NOS1AP: variants seen among roughly 807,000 people sequenced by gnomAD.
NOS1AP encodes the protein nitric oxide synthase 1 adaptor protein.
In NOS1AP, 21 loss-of-function variants were observed where a neutral mutation model predicts 56.2. That is an observed-to-expected ratio of 0.37 (90% CI 0.26 to 0.54). The LOEUF (loss-of-function observed/expected upper bound fraction) is 0.54. Ranked by LOEUF, NOS1AP falls within the 20% of genes least tolerant of loss-of-function variation. The probability of loss-of-function intolerance (pLI) is 0.84; values close to 1 mark genes in which losing one functional copy is unlikely to be tolerated. For missense variants in NOS1AP, 522 were observed against 657.8 expected, an observed-to-expected ratio of 0.79 and a Z score of 2.26; for synonymous variants, 270 against 274.6, an observed-to-expected ratio of 0.98 and a Z score of 0.17.
In NOS1AP at chr1:162,221,534, G is replaced by GCGCACA. The variant is rs1491138063; in HGVS notation, c.178-65809_178-65808insGCACAC. Among the ~76,000 whole-genome samples, 223 of 73,452 alleles carry GCGCACA rather than the reference G, an allele frequency of 3.0e-3. 1 individual carries two copies. The highest frequency in any genetic ancestry group is 6.3e-3 in the Middle Eastern group (1 of 158). The allele number at this position is 73,452 out of a possible 152,430, so 48.2% of individuals were successfully genotyped here. The stretch of plus-strand genomic sequence containing the variant: ...AACACACACACGCACACACACGCGC[G>GCGCACA]CACACACACACACACACACACACAC... On this transcript the variant is annotated intron_variant, in intron 2 of 9. Transcript: ENST00000361897.
intron 4 of NOS1AP, among the ~76,000 whole-genome samples, chr1:162,306,671 T>G (rs1313068808): frequency 6.6e-6 from 1 of 152,248 alleles, no homozygotes; most frequent in Non-Finnish European, 1.5e-5. Flanking sequence ...GCTTGGTGGC[T>G]CACACCTATA....
chr1:162,233,605 C>T (rs1653196430), intron 2 of NOS1AP, among the ~76,000 whole-genome samples: 1 of 152,166 alleles, frequency 6.6e-6, no homozygotes, highest in African/African-American at 2.4e-5. Context: ...AGCAGTCACT[C>T]CAATTTTCCC....
intron 2 of NOS1AP, among the ~76,000 whole-genome samples, chr1:162,252,047 T>G (rs1245818169): frequency 6.6e-6 from 1 of 151,884 alleles, no homozygotes; most frequent in Non-Finnish European, 1.5e-5. Context: ...TTTTTTCTTT[T>G]TGTTTTTTTT....
At chr1:162,214,743 A>C (rs1652499345) in intron 2 of NOS1AP, among the ~76,000 whole-genome samples, 1 of 152,118 alleles carries the variant, frequency 6.6e-6, no homozygotes, top group Non-Finnish European at 1.5e-5. Flanking sequence ...ACTTCACAGA[A>C]CTACTATTTG....
At chr1:162,213,854 T>C (rs1652454149) in intron 2 of NOS1AP, among the ~76,000 whole-genome samples, 1 of 152,260 alleles carries the variant, frequency 6.6e-6, no homozygotes, top group South Asian at 2.1e-4. Flanking sequence ...TGAAGCTTGG[T>C]AAATAGCCAG....
rs1464601091 is a variant in NOS1AP at position 162,303,600 on chromosome 1, C to A, written c.344+2894C>A. On this transcript the variant is annotated intron_variant, in intron 4 of 9. Coordinates refer to ENST00000361897, the MANE Select transcript of NOS1AP (RefSeq NM_014697.3). ...GGGACTACAGATGTGCACCATCACA[C>A]CCAGCTAATTTTTAAATTTTTTGTA... 2.6e-5 allele frequency among the ~76,000 whole-genome samples: 4 copies of A among 152,056 alleles called. No individual in the cohort carries two copies. In the East Asian group the frequency reaches 7.7e-4, roughly 29 times the overall value.
At chr1:162,364,288 A>G in intron 8 of NOS1AP, 2 of 985,418 alleles carry the variant, frequency 2.0e-6, no homozygotes, top group Non-Finnish European at 1.2e-6. Context: ...GTACAAGAAC[A>G]CCCTTTTCCC....
At position 162,095,629 on chromosome 1, in the gene NOS1AP, C is replaced by T. The variant is rs185547497; in HGVS notation, c.105+25347C>T. Among the ~76,000 whole-genome samples the T allele has an allele frequency of 2.0e-5, 3 of 152,204 alleles. No homozygotes were observed. The East Asian group carries it at 5.8e-4, about 29-fold the overall frequency. ...CCTGTGTATTAAGTTCTGTAGGGAC[C>T]ATATTAGACTGCCAACACGCCTGTA... is the stretch of plus-strand genomic sequence containing the variant. On this transcript the variant is annotated intron_variant, in intron 1 of 9. Transcript: ENST00000361897.
intron 9 of NOS1AP, among the ~76,000 whole-genome samples, chr1:162,366,657 G>A (rs1658096229): frequency 6.6e-6 from 1 of 152,168 alleles, no homozygotes; most frequent in African/African-American, 2.4e-5. Context: ...GGATTTTCCA[G>A]ATTGTTCATT....
intron 2 of NOS1AP, among the ~76,000 whole-genome samples, chr1:162,256,102 C>T (rs1654018723): frequency 6.6e-6 from 1 of 152,042 alleles, no homozygotes; most frequent in African/African-American, 2.4e-5. Context: ...CAAGATCGCG[C>T]CACTGCATTC....
chr1:162,094,994 A>G (rs1469285394), intron 1 of NOS1AP, among the ~76,000 whole-genome samples: 4 of 152,154 alleles, frequency 2.6e-5, no homozygotes, highest in African/African-American at 9.7e-5. Flanking sequence ...ACACTCCACT[A>G]TGGGTTCTGC....
chr1:162,370,104 T>C lies in NOS1AP; in HGVS notation c.*2637T>C, dbSNP rs973506657. ...GCCTACCCCAGGTGCCAGCAGACTC[T>C]CGTGCACAGGAGGCTCCCACAGTTA... On this transcript the variant is annotated 3_prime_UTR_variant, in exon 10 of 10. Transcript: ENST00000361897. 2 of 152,332 alleles carry C rather than the reference T, an allele frequency of 1.3e-5. No individual in the cohort carries two copies. Among genetic ancestry groups the C allele is most frequent in the African/African-American group, 4.8e-5 (2 of 41,472 alleles). The allele number at this position is 152,332 out of a possible 1,614,324, so 9.4% of individuals were successfully genotyped here. A position where few individuals can be genotyped will look rare whatever the true frequency, so the allele number is the denominator to read the frequency against.
intron 4 of NOS1AP, among the ~76,000 whole-genome samples, chr1:162,309,570 A>G (rs985959385): frequency 6.6e-6 from 1 of 152,190 alleles, no homozygotes; most frequent in Non-Finnish European, 1.5e-5. Flanking sequence ...AAGACTTGGA[A>G]ATAAACAAAA....
At chr1:162,207,235 A>G (rs1652190833) in intron 2 of NOS1AP, among the ~76,000 whole-genome samples, 1 of 152,250 alleles carries the variant, frequency 6.6e-6, no homozygotes, top group African/African-American at 2.4e-5. Context: ...GCTTCTGGCC[A>G]GCAGAAATTC....
intron 2 of NOS1AP, among the ~76,000 whole-genome samples, chr1:162,279,372 G>A (rs1287584765): frequency 1.3e-5 from 2 of 152,182 alleles, no homozygotes. Flanking sequence ...TGCACTTGAG[G>A]CTGCCGCTGC....
At chr1:162,360,017 C>T (rs1464964224) in intron 8 of NOS1AP, among the ~76,000 whole-genome samples, 1 of 147,440 alleles carries the variant, frequency 6.8e-6, no homozygotes, top group Admixed American at 6.8e-5. Flanking sequence ...GTCCCCCCCC[C>T]ACCACCCCCA....
At chr1:162,345,362 T>G (rs1454644462) in intron 6 of NOS1AP, among the ~76,000 whole-genome samples, 1 of 139,474 alleles carries the variant, frequency 7.2e-6, no homozygotes, top group South Asian at 2.2e-4. Context: ...TGTGTCCATG[T>G]GATCTCATTG....
At chr1:162,333,202 T>C in intron 5 of NOS1AP, 77 bp downstream of exon 5, 1 of 954,094 alleles carries the variant, frequency 1.0e-6, no homozygotes, top group Non-Finnish European at 1.7e-6. Flanking sequence ...CCCGTCTCCC[T>C]GTTGAAGACA....
chr1:162,273,986 C>A (rs1184706463), intron 2 of NOS1AP, among the ~76,000 whole-genome samples: 1 of 152,096 alleles, frequency 6.6e-6, no homozygotes. Context: ...ATATTTGAGT[C>A]GTTTCTAATT....
Sources: allele counts gnomAD v4.1 joint callset (sites outside exome capture counted in the v4.1 genomes callset), GRCh38; gene constraint gnomAD v4.1.1; transcripts MANE v1.5; gene names NCBI Gene and HGNC (gene_info 2026-07-23, HGNC 2026-07-21).